LRRFIP1: variants seen among roughly 807,000 people sequenced by gnomAD.
LRRFIP1 encodes LRR binding FLII interacting protein 1.
A neutral mutation model predicts 104.4 loss-of-function variants in LRRFIP1; 62 were observed. The ratio of observed to expected loss-of-function variants is 0.59; its 90% CI spans 0.48 to 0.73. The LOEUF (loss-of-function observed/expected upper bound fraction) is 0.73, where lower values mean the gene tolerates loss of function less well. Among genes scored for constraint, LRRFIP1 ranks in the 30% least tolerant of loss-of-function variants. The probability of loss-of-function intolerance (pLI) is 0.00; values close to 1 mark genes in which losing one functional copy is unlikely to be tolerated. For missense variants in LRRFIP1, 796 were observed against 824.5 expected (o/e 0.97, Z 0.42); for synonymous variants, 300 against 299.0 (o/e 1.00, Z -0.03).
intron 5 of LRRFIP1, among the ~76,000 whole-genome samples, chr2:237,720,224 G>A (rs961917970): frequency 2.0e-5 from 3 of 151,954 alleles, no homozygotes; most frequent in Non-Finnish European, 4.4e-5. Context: ...TGGGATTACA[G>A]GCATGAGCCA....
chr2:237,728,134 C>G (rs1336905270), intron 8 of LRRFIP1, among the ~76,000 whole-genome samples, 199 bp downstream of exon 8: 1 of 152,060 alleles, frequency 6.6e-6, no homozygotes, highest in African/African-American at 2.4e-5. Context: ...GAATGTTAGC[C>G]CTCCAACATT....
At chr2:237,677,677 G>A (rs907148707) in intron 1 of LRRFIP1, among the ~76,000 whole-genome samples, 1 of 152,162 alleles carries the variant, frequency 6.6e-6, no homozygotes, top group African/African-American at 2.4e-5. Flanking sequence ...ATTATTTGAA[G>A]TTTCAGTGCA....
chr2:237,760,122 T>A lies in LRRFIP1; in HGVS notation c.1376T>A (p.Leu459His), dbSNP rs1184063312. The A allele has an allele frequency of 6.2e-7, 1 of 1,613,902 alleles. No homozygotes were observed. The change falls in exon 19 of 24, where the codon CTC becomes CAC. Residue 459 changes from leucine (L) to histidine (H), a missense_variant. By Grantham distance (99) the Leu-to-His change is moderately conservative. Transcript: ENST00000308482. ...IATNGETSDTLNNVGYQGPTK... is the reference protein window; with the variant it reads ...IATNGETSDTHNNVGYQGPTK... ...ACCAATGGAGAGACTTCCGACACCC[T>A]CAATAATGTTGGATACCAAGGTCCT...
At chr2:237,635,926 T>C (rs529635243) in intron 1 of LRRFIP1, among the ~76,000 whole-genome samples, 1 of 152,064 alleles carries the variant, frequency 6.6e-6, no homozygotes, top group African/African-American at 2.4e-5. Flanking sequence ...GTGAAATCCC[T>C]TCTGTACTAA....
At chr2:237,737,151 G>A (rs887440490) in intron 10 of LRRFIP1, among the ~76,000 whole-genome samples, 4 of 152,230 alleles carry the variant, frequency 2.6e-5, no homozygotes, top group Non-Finnish European at 5.9e-5. Flanking sequence ...TGAGTGTGAA[G>A]TGACTTTCTT....
rs955910969 is a variant in LRRFIP1 at position 237,740,735 on chromosome 2, G to A, written c.633+1426G>A. Reference sequence around the variant, plus strand: ...GCAAATGCAGGTATCAGCTTCTTTGGGGGAAGAAAACCCAGGATCTCTGGC... The same window carrying A: ...GCAAATGCAGGTATCAGCTTCTTTGAGGGAAGAAAACCCAGGATCTCTGGC... On this transcript the variant is annotated intron_variant, in intron 11 of 23. Transcript: ENST00000308482. Among the ~76,000 whole-genome samples the A allele has an allele frequency of 3.3e-5, 5 of 152,068 alleles. No individual in the cohort carries two copies. In the South Asian group the frequency reaches 6.2e-4, roughly 19 times the overall value.
intron 1 of LRRFIP1, among the ~76,000 whole-genome samples, chr2:237,667,926 A>G (rs530504476): frequency 1.3e-5 from 2 of 151,796 alleles, no homozygotes; most frequent in Non-Finnish European, 2.9e-5. Context: ...CCTTTCTCCT[A>G]TGCCAATTTA....
intron 11 of LRRFIP1, among the ~76,000 whole-genome samples, chr2:237,744,311 G>A (rs1427236603): frequency 2.0e-5 from 3 of 152,182 alleles, no homozygotes; most frequent in East Asian, 1.9e-4. Flanking sequence ...ATGTTGCTTC[G>A]GTGATCCCTT....
chr2:237,771,872 C>T, intron 20 of LRRFIP1: 1 of 543,472 alleles, frequency 1.8e-6, no homozygotes, highest in East Asian at 3.1e-5. Flanking sequence ...AAGAATTTCA[C>T]TTTAGAAATG....
intron 19 of LRRFIP1, chr2:237,762,714 G>T (rs1186693706): frequency 1.2e-5 from 20 of 1,614,114 alleles, no homozygotes; most frequent in East Asian, 2.2e-5. Context: ...GTGAAGGACT[G>T]TGTGGACATA....
At position 237,739,273 on chromosome 2, in the gene LRRFIP1, C is replaced by G. The variant is rs1003849604; in HGVS notation, c.597C>G (p.Ala199=). 29 of 1,565,162 alleles carry G rather than the reference C, an allele frequency of 1.9e-5. No homozygotes were observed. Among genetic ancestry groups the G allele is most frequent in the Non-Finnish European group, 2.3e-5 (27 of 1,155,288 alleles). Residue 199 remains alanine, a synonymous_variant, in exon 11 of 24, where the codon GCC becomes GCG. Coordinates refer to ENST00000308482, the MANE Select transcript of LRRFIP1 (RefSeq NM_001137550.2). ...YSGHLNSSSR[A]SSRASSARAS... is the part of the protein sequence containing the mutation. ...GCCACCTCAACTCCAGCTCCCGCGC[C>G]TCCTCCAGGGCCAGCTCGGCCCGGG...
intron 11 of LRRFIP1, among the ~76,000 whole-genome samples, chr2:237,742,497 G>A (rs1379958811): frequency 3.3e-5 from 5 of 152,186 alleles, no homozygotes; most frequent in East Asian, 1.9e-4. Flanking sequence ...TGATCGTGTC[G>A]AGAATAGAAA....
chr2:237,719,940 CTTTTTTTTTTT>C (rs57355213), intron 5 of LRRFIP1, among the ~76,000 whole-genome samples: 2 of 103,986 alleles, frequency 1.9e-5, no homozygotes, highest in African/African-American at 7.4e-5. Context: ...GATGAAATTA[CTTTTTTTTTTT>C]TTTTTTTTTT....
At chr2:237,762,744 A>G (rs550162694) in intron 19 of LRRFIP1, 1 of 1,614,222 alleles carries the variant, frequency 6.2e-7, no homozygotes, top group African/African-American at 1.3e-5. Flanking sequence ...CCTGCTGGTG[A>G]GAATACCGAG....
At chr2:237,722,343 TA>T (rs2094564971) in intron 6 of LRRFIP1, among the ~76,000 whole-genome samples, 1 of 152,164 alleles carries the variant, frequency 6.6e-6, no homozygotes, top group Admixed American at 6.5e-5. Context: ...TGTGTGCACT[TA>T]CATTTTCCTG....
At chr2:237,629,473 T>C (rs398044170) in intron 1 of LRRFIP1, among the ~76,000 whole-genome samples, 16,928 of 139,510 alleles carry the variant, frequency 0.12, 1,332 homozygotes, top group Non-Finnish European at 0.19. Context: ...TCTTCTTTTT[T>C]TTTTTTTTTT....
chr2:237,715,891 G>A (rs2094314777), intron 3 of LRRFIP1, among the ~76,000 whole-genome samples: 1 of 152,206 alleles, frequency 6.6e-6, no homozygotes, highest in Non-Finnish European at 1.5e-5. Context: ...CTGTTACTAG[G>A]GGCGTTCTCT....
intron 1 of LRRFIP1, among the ~76,000 whole-genome samples, chr2:237,648,172 G>A (rs2085282942): frequency 6.7e-6 from 1 of 150,372 alleles, no homozygotes. Context: ...TGACTTTGGT[G>A]CTTCTCAGCC....
intron 1 of LRRFIP1, among the ~76,000 whole-genome samples, chr2:237,668,057 A>C (rs2089751080): frequency 2.7e-5 from 4 of 148,354 alleles, no homozygotes; most frequent in Admixed American, 6.7e-5. Flanking sequence ...TTTCCCCAAC[A>C]CTCTTCATCA....
Sources: gnomAD v4.1 joint callset for allele counts (sites outside exome capture counted in the v4.1 genomes callset) on GRCh38, gnomAD v4.1.1 for gene constraint, MANE v1.5 for transcripts, NCBI Gene and HGNC (gene_info 2026-07-23, HGNC 2026-07-21) for gene names.